Variants in FIBCD1 observed in about 807,000 individuals in gnomAD.
The protein encoded by FIBCD1 is fibrinogen C domain containing 1.
FIBCD1 carries 47 observed loss-of-function variants against 45.1 expected under a neutral mutation model. The observed-to-expected ratio is 1.04, with a 90% CI of 0.82 to 1.33. The LOEUF (loss-of-function observed/expected upper bound fraction) is 1.33, where lower values mean the gene tolerates loss of function less well. Among genes scored for constraint, FIBCD1 ranks in the 40% most tolerant of loss-of-function variants. The probability of loss-of-function intolerance (pLI) is 0.00; values close to 1 mark genes in which losing one functional copy is unlikely to be tolerated. For synonymous variants in FIBCD1, 313 were observed against 308.1 expected (o/e 1.02, Z -0.17); for missense variants, 653 against 682.2 (o/e 0.96, Z 0.48).
rs114210057 is a variant in FIBCD1, at chr9:130,923,795, C to T, written c.798G>A (p.Pro266=). ...GVYSVFPTHY[P]AGFQVYCDMR... is the part of the protein sequence containing the mutation. ...TGTCACAGTACACCTGGAAGCCGGCCGGGTAGTGGGTGGGAAAGACAGAGT... is the reference window on the plus strand; with the variant it reads ...TGTCACAGTACACCTGGAAGCCGGCTGGGTAGTGGGTGGGAAAGACAGAGT... The change falls in exon 4 of 7, where the codon CCG becomes CCA. Residue 266 remains proline (P), a synonymous_variant. Coordinates refer to ENST00000372338, the MANE Select transcript of FIBCD1 (RefSeq NM_032843.5). 1,241 of 1,612,884 alleles carry T rather than the reference C, an allele frequency of 7.7e-4. 7 individuals are homozygous for T. The African/African-American group carries it at 0.015, about 19-fold the overall frequency.
chr9:130,930,403 T>TGCGGGGAGAC (rs925449265), intron 1 of FIBCD1, among the ~76,000 whole-genome samples: 5 of 95,966 alleles, frequency 5.2e-5, no homozygotes, highest in East Asian at 5.0e-4. Flanking sequence ...CATGGGGAGA[T>TGCGGGGAGAC]GCGGGGAGAC....
In FIBCD1 at chr9:130,905,397, G is replaced by A. The variant is rs373685722; in HGVS notation, c.963C>T (p.His321=). The A allele has an allele frequency of 2.2e-5, 36 of 1,613,192 alleles. No homozygotes were observed. The African/African-American group carries it at 2.3e-4, about 10-fold the overall frequency. The change falls in exon 6 of 7, where the codon CAC becomes CAT. Residue 321 remains histidine, a synonymous_variant. Coordinates refer to ENST00000372338, the MANE Select transcript of FIBCD1 (RefSeq NM_032843.5). The part of the protein sequence containing the change: ...GEHWLGLKRI[H]ALTTQAAYEL... Reference sequence around the variant, plus strand: ...CGTAGGCAGCCTGTGTGGTCAGGGCGTGGATCCTCTTGAGCCCTGAAGTTG... The same window carrying A: ...CGTAGGCAGCCTGTGTGGTCAGGGCATGGATCCTCTTGAGCCCTGAAGTTG...
chr9:130,917,641 C>A (rs1266332758), intron 4 of FIBCD1, among the ~76,000 whole-genome samples: 1 of 152,218 alleles, frequency 6.6e-6, no homozygotes, highest in Admixed American at 6.5e-5. Flanking sequence ...CAACCAGCTG[C>A]TGCTTTGCCA....
intron 4 of FIBCD1, among the ~76,000 whole-genome samples, chr9:130,913,455 G>A (rs997040545): frequency 1.3e-5 from 2 of 152,074 alleles, no homozygotes; most frequent in African/African-American, 2.4e-5. Context: ...CCGCGTGAGC[G>A]TTTGCCAATG....
chr9:130,920,652 C>G (rs896004906), intron 4 of FIBCD1, among the ~76,000 whole-genome samples: 4 of 151,952 alleles, frequency 2.6e-5, no homozygotes, highest in African/African-American at 9.7e-5. Context: ...ATGATGGGGC[C>G]TGAGGACCAC....
Position 130,905,343 on chromosome 9 carries a change from C to T in FIBCD1, c.1017G>A (p.Glu339=). 1.2e-6 allele frequency: 2 copies of T among 1,614,056 alleles called. No individual in the cohort carries two copies. Among genetic ancestry groups the T allele is most frequent in the Non-Finnish European group, 1.7e-6 (2 of 1,179,992 alleles). Residue 339 remains glutamate (E), a synonymous_variant, in exon 6 of 7, where the codon GAG becomes GAA. Transcript: ENST00000372338. ...YELHVDLEDF[E]NGTAYARYGS... Reference sequence around the variant, plus strand: ...CGTAGCGGGCATAGGCCGTGCCATTCTCAAAGTCCTCCAGGTCCACGTGCA... The same window carrying T: ...CGTAGCGGGCATAGGCCGTGCCATTTTCAAAGTCCTCCAGGTCCACGTGCA...
chr9:130,923,972 T>G (rs781230817), intron 3 of FIBCD1, 92 bp from the exon 4 acceptor site: 2 of 1,562,162 alleles, frequency 1.3e-6, no homozygotes, highest in African/African-American at 1.4e-5. Context: ...ATAATGCATG[T>G]GGGGTCCCAT....
chr9:130,921,086 GA>G (rs1820261450), intron 4 of FIBCD1, among the ~76,000 whole-genome samples: 1 of 152,230 alleles, frequency 6.6e-6, no homozygotes, highest in Non-Finnish European at 1.5e-5. Context: ...AGGGGTGTAT[GA>G]ACTGTAAAGT....
Position 130,929,161 on chromosome 9 carries a change from A to G in FIBCD1, c.552+406T>C, listed in dbSNP as rs1422090877. On this transcript the variant is annotated intron_variant, in intron 2 of 6. Coordinates refer to ENST00000372338, the MANE Select transcript of FIBCD1 (RefSeq NM_032843.5). ...AGATGGGGTGCGGCTCTGAGGGGGT[A>G]GCACTGATCAGCCACATGCCCTTCA... 4.6e-5 allele frequency among the ~76,000 whole-genome samples: 7 copies of G among 152,180 alleles called. No individual in the cohort carries two copies. The South Asian group carries it at 1.5e-3, about 32-fold the overall frequency.
chr9:130,926,160 C>T lies in FIBCD1; in HGVS notation c.553-1764G>A, dbSNP rs988386593. The stretch of plus-strand genomic sequence containing the variant: ...AGGGAAGACGGTAGGTGGGGGCCGC[C>T]GTGCGATGTGTGTGCGGCAAACATC... On this transcript the variant is annotated intron_variant, in intron 2 of 6. Transcript: ENST00000372338. The surrounding 1 kb of genome is among the most constrained non-coding windows in gnomAD (Gnocchi z 4.1). Among the ~76,000 whole-genome samples the T allele has an allele frequency of 7.9e-5, 12 of 152,250 alleles. No homozygotes were observed. Among genetic ancestry groups the T allele is most frequent in the Admixed American group, 2.6e-4 (4 of 15,302 alleles).
intron 5 of FIBCD1, among the ~76,000 whole-genome samples, chr9:130,907,168 T>C (rs1831943575): frequency 6.7e-6 from 1 of 150,302 alleles, no homozygotes; most frequent in Non-Finnish European, 1.5e-5. Flanking sequence ...TAATTGGCCA[T>C]TGGCACCCAA....
intron 5 of FIBCD1, among the ~76,000 whole-genome samples, chr9:130,905,929 CCT>C (rs1377157013): frequency 2.0e-5 from 3 of 152,194 alleles, no homozygotes; most frequent in African/African-American, 7.2e-5. Flanking sequence ...CACATGTGCC[CCT>C]GTGGGTATTT....
At chr9:130,915,979 C>T (rs1426667231) in intron 4 of FIBCD1, among the ~76,000 whole-genome samples, 1 of 152,184 alleles carries the variant, frequency 6.6e-6, no homozygotes, top group African/African-American at 2.4e-5. Flanking sequence ...GTCACCCAGG[C>T]AGTGCGGTGG....
rs1189786251 is a variant in FIBCD1, at chr9:130,923,864, G to A, written c.729C>T (p.Asp243=). 1 of 1,612,526 alleles carries A rather than the reference G, an allele frequency of 6.2e-7. No homozygotes were observed. Among genetic ancestry groups the A allele is most frequent in the Non-Finnish European group, 8.5e-7 (1 of 1,179,992 alleles). The part of the protein sequence containing the change: ...RGCATGSRPR[D]CLDVLLSGQQ... Reference sequence around the variant, plus strand: ...GTCCGCTTAGGAGGACGTCCAGACAGTCTCGGGGCCGGGAGCCTGAGGGAG... The same window carrying A: ...GTCCGCTTAGGAGGACGTCCAGACAATCTCGGGGCCGGGAGCCTGAGGGAG... Residue 243 remains aspartate (D), a synonymous_variant, in exon 4 of 7, where the codon GAC becomes GAT. Coordinates refer to ENST00000372338, the MANE Select transcript of FIBCD1 (RefSeq NM_032843.5).
chr9:130,918,892 G>C (rs1832210657), intron 4 of FIBCD1, among the ~76,000 whole-genome samples: 2 of 152,222 alleles, frequency 1.3e-5, no homozygotes, highest in African/African-American at 2.4e-5. Context: ...GTGGGGAAGA[G>C]GCAATCAAGT....
At chr9:130,921,815 T>G (rs1261331962) in intron 4 of FIBCD1, among the ~76,000 whole-genome samples, 3 of 152,224 alleles carry the variant, frequency 2.0e-5, no homozygotes, top group African/African-American at 7.2e-5. Flanking sequence ...ACAAAAGAGC[T>G]TTTATCCCCC....
chr9:130,914,665 G>GC (rs1832125428), intron 4 of FIBCD1, among the ~76,000 whole-genome samples: 2 of 152,218 alleles, frequency 1.3e-5, no homozygotes, highest in Non-Finnish European at 2.9e-5. Flanking sequence ...AGAGCAAGAA[G>GC]CCCCGGTAGC....
At position 130,925,400 on chromosome 9, in the gene FIBCD1, C is replaced by T. The variant is rs78690745; in HGVS notation, c.553-1004G>A. Among the ~76,000 whole-genome samples the T allele has an allele frequency of 2.3e-3, 352 of 152,180 alleles. 8 individuals carry two copies. In the East Asian group the frequency reaches 0.036, roughly 16 times the overall value. The stretch of plus-strand genomic sequence containing the variant: ...TAGGAGACCAGGGTCAGGGTGGGGA[C>T]GGGGCGGTGGTTTGGACCCAGGTTC... On this transcript the variant is annotated intron_variant, in intron 2 of 6. Coordinates refer to ENST00000372338, the MANE Select transcript of FIBCD1 (RefSeq NM_032843.5).
intron 4 of FIBCD1, among the ~76,000 whole-genome samples, chr9:130,916,676 A>G (rs1364454123): frequency 2.6e-5 from 4 of 152,242 alleles, no homozygotes; most frequent in African/African-American, 9.6e-5. Context: ...CCAAGCACAG[A>G]GGGCTTTAAT....
Sources: allele counts gnomAD v4.1 joint callset (sites outside exome capture counted in the v4.1 genomes callset), GRCh38; gene constraint gnomAD v4.1.1; non-coding constraint Gnocchi (gnomAD v3.1); transcripts MANE v1.5; gene names NCBI Gene and HGNC (gene_info 2026-07-23, HGNC 2026-07-21).